SLFN5: variants seen among roughly 807,000 people sequenced by gnomAD.
SLFN5 encodes the protein schlafen family member 5.
SLFN5 carries 34 observed loss-of-function variants against 48.5 expected under a neutral mutation model. The ratio of observed to expected loss-of-function variants is 0.70; its 90% CI spans 0.53 to 0.93. The LOEUF is 0.93. Ranked by LOEUF, SLFN5 falls within the 40% of genes least tolerant of loss-of-function variation. The pLI, the probability that SLFN5 is intolerant of heterozygous loss-of-function variation, is 0.00. For missense variants in SLFN5, 1,006 were observed against 1,071.3 expected (o/e 0.94, Z 0.85); for synonymous variants, 387 against 396.2 (o/e 0.98, Z 0.28).
Position 35,269,123 on chromosome 17 carries a change from CA to C in SLFN5, c.*3236del, listed in dbSNP as rs1467382469. ...AGAAGGCAGTGAAGCAACATGTGTACAGTTCTTAGGGAAACAAATTTTGACC... is the reference window on the plus strand; with the variant it reads ...AGAAGGCAGTGAAGCAACATGTGTACGTTCTTAGGGAAACAAATTTTGACC... On this transcript the variant is annotated 3_prime_UTR_variant, in exon 5 of 5. Coordinates refer to ENST00000299977, the MANE Select transcript of SLFN5 (RefSeq NM_144975.4). The C allele has an allele frequency of 6.6e-6, 1 of 152,128 alleles. No individual in the cohort carries two copies. The allele number at this position is 152,128 out of a possible 1,614,324, so 9.4% of individuals were successfully genotyped here. A position where few individuals can be genotyped will look rare whatever the true frequency, so the allele number is the denominator to read the frequency against.
Position 35,259,269 on chromosome 17 carries a change from A to G in SLFN5, c.579A>G (p.Thr193=). ...YLEKLNLPES[T]HVEFVMFSTD... ...AAAAACTCAACCTTCCTGAGTCCAC[A>G]CATGTTGAATTTGTAATGTTCTCGA... The change falls in exon 2 of 5, where the codon ACA becomes ACG. Residue 193 remains threonine (T), a synonymous_variant. Transcript: ENST00000299977. The G allele has an allele frequency of 1.9e-6, 3 of 1,614,196 alleles. No individual in the cohort carries two copies. The Middle Eastern group carries it at 4.9e-4, about 266-fold the overall frequency.
chr17:35,260,713 T>C (rs7210615), intron 2 of SLFN5, among the ~76,000 whole-genome samples: 1 of 151,912 alleles, frequency 6.6e-6, no homozygotes, highest in Non-Finnish European at 1.5e-5. Context: ...ACTGTTTCAA[T>C]AAATAAATAA....
intron 3 of SLFN5, among the ~76,000 whole-genome samples, chr17:35,262,891 C>T (rs547107471): frequency 1.3e-5 from 2 of 152,098 alleles, no homozygotes; most frequent in Non-Finnish European, 2.9e-5. Context: ...CATGCTGTCC[C>T]TTTTTAGTCA....
chr17:35,245,989 C>T (rs1334076197), intron 1 of SLFN5, among the ~76,000 whole-genome samples: 1 of 152,196 alleles, frequency 6.6e-6, no homozygotes, highest in Non-Finnish European at 1.5e-5. Flanking sequence ...CATTCCTTCA[C>T]ATCTTCACCA....
In SLFN5 at chr17:35,260,352, C is replaced by T. The variant is rs140895525; in HGVS notation, c.1013-619C>T. Among the ~76,000 whole-genome samples, 20 of 152,316 alleles carry T rather than the reference C, an allele frequency of 1.3e-4. No homozygotes were observed. The East Asian group carries it at 3.9e-3, about 29-fold the overall frequency. The stretch of plus-strand genomic sequence containing the variant: ...AAGGTCCAGAAAAAACAAAGTCCAC[C>T]TCAGAATCTGCTCAGGTGTCTATAT... On this transcript the variant is annotated intron_variant, in intron 2 of 4. Transcript: ENST00000299977.
chr17:35,260,838 T>G, intron 2 of SLFN5, 133 bp from the exon 3 acceptor site: 36 of 1,130,502 alleles, frequency 3.2e-5, no homozygotes, highest in Non-Finnish European at 4.1e-5. Context: ...TGAGCTGACC[T>G]GAGATGTAAA....
Position 35,264,295 on chromosome 17 carries a change from A to C in SLFN5, c.1251A>C (p.Gly417=). ...CAGAAATGCGCCCTTTCTCTCAAGG[A>C]ATATTGATTTTTTCTCAAAGCTGGG... ...INTEMRPFSQ[G]ILIFSQSWAV... The change falls in exon 4 of 5, where the codon GGA becomes GGC. Residue 417 remains glycine, a synonymous_variant. Transcript: ENST00000299977. The C allele has an allele frequency of 6.2e-7, 1 of 1,614,112 alleles. No individual in the cohort carries two copies. Among genetic ancestry groups the C allele is most frequent in the Non-Finnish European group, 8.5e-7 (1 of 1,180,032 alleles).
At position 35,258,939 on chromosome 17, in the gene SLFN5, A is replaced by G; in HGVS notation, c.249A>G (p.Arg83=). Residue 83 remains arginine, a synonymous_variant, in exon 2 of 5, where the codon AGA becomes AGG. Coordinates refer to ENST00000299977, the MANE Select transcript of SLFN5 (RefSeq NM_144975.4). ...GATTGGATGTGCCTCCAATTTTCAG[A>G]AGCCATTTAGATAAGATGCAGAAGG... ...GVGLDVPPIF[R]SHLDKMQKEN... is the part of the protein sequence containing the mutation. The G allele has an allele frequency of 6.2e-7, 1 of 1,614,206 alleles. No individual in the cohort carries two copies. Among genetic ancestry groups the G allele is most frequent in the Non-Finnish European group, 8.5e-7 (1 of 1,180,012 alleles).
chr17:35,253,454 C>G (rs1289885898), intron 1 of SLFN5, among the ~76,000 whole-genome samples: 1 of 152,050 alleles, frequency 6.6e-6, no homozygotes, highest in Non-Finnish European at 1.5e-5. Flanking sequence ...TCACTGCAGC[C>G]TCAATCCACT....
At chr17:35,249,650 C>T (rs2142686636) in intron 1 of SLFN5, among the ~76,000 whole-genome samples, 1 of 152,290 alleles carries the variant, frequency 6.6e-6, no homozygotes, top group South Asian at 2.1e-4. Context: ...GCCCTTGGTC[C>T]CTGACTGAAA....
Position 35,265,173 on chromosome 17 carries a change from T to C in SLFN5, c.1961T>C (p.Phe654Ser). The C allele has an allele frequency of 6.2e-7, 1 of 1,614,190 alleles. No homozygotes were observed. The highest frequency in any genetic ancestry group is 8.5e-7 in the Non-Finnish European group (1 of 1,180,032). Residue 654 changes from phenylalanine to serine, a missense_variant, in exon 5 of 5, where the codon TTC becomes TCC. Transcript: ENST00000299977. ...QHIIIDDAQN[F>S]RTEDGDWYGK... Reference sequence around the variant, plus strand: ...ATTATCATTGATGACGCTCAGAATTTCCGTACTGAAGATGGGGACTGGTAT... The same window carrying C: ...ATTATCATTGATGACGCTCAGAATTCCCGTACTGAAGATGGGGACTGGTAT...
intron 3 of SLFN5, among the ~76,000 whole-genome samples, chr17:35,261,999 T>G (rs1452062201): frequency 6.6e-6 from 1 of 152,026 alleles, no homozygotes; most frequent in East Asian, 1.9e-4. Flanking sequence ...TTTGATGGAC[T>G]TTTATATGAC....
At chr17:35,265,012 T>A in intron 4 of SLFN5, 60 bp from the exon 5 acceptor site, 3 of 1,557,660 alleles carry the variant, frequency 1.9e-6, no homozygotes, top group Non-Finnish European at 2.6e-6. Context: ...CAGAGGGGTT[T>A]AAGAGTAGAA....
rs750885614 is a variant in SLFN5 at position 35,259,272 on chromosome 17, T to C, written c.582T>C (p.His194=). The change falls in exon 2 of 5, where the codon CAT becomes CAC. Residue 194 remains histidine (H), a synonymous_variant. Transcript: ENST00000299977. ...AACTCAACCTTCCTGAGTCCACACA[T>C]GTTGAATTTGTAATGTTCTCGACAG... ...LEKLNLPEST[H]VEFVMFSTDV... The C allele has an allele frequency of 2.5e-6, 4 of 1,614,132 alleles. No individual in the cohort carries two copies. The highest frequency in any genetic ancestry group is 3.4e-6 in the Non-Finnish European group (4 of 1,180,018).
chr17:35,251,140 C>T lies in SLFN5; in HGVS notation c.-40-7511C>T, dbSNP rs116853733. Among the ~76,000 whole-genome samples the T allele has an allele frequency of 3.1e-3, 473 of 152,342 alleles. 2 individuals are homozygous for T. The highest frequency in any genetic ancestry group is 5.4e-3 in the Non-Finnish European group (365 of 68,034). On this transcript the variant is annotated intron_variant, in intron 1 of 4. Transcript: ENST00000299977. ...CAGCCTCCTTCCCAAAGCACCCCAA[C>T]TGTAGAAAGCCATTTTGTCTATTTG...
At chr17:35,243,216 T>A (rs995816230) in intron 1 of SLFN5, 73 bp downstream of exon 1, 1 of 152,350 alleles carries the variant, frequency 6.6e-6, no homozygotes, top group Non-Finnish European at 1.5e-5. Flanking sequence ...GTTCTCCTAT[T>A]GGGCTGTGGT....
intron 1 of SLFN5, among the ~76,000 whole-genome samples, chr17:35,258,054 C>A (rs910477096): frequency 6.6e-6 from 1 of 152,184 alleles, no homozygotes; most frequent in Non-Finnish European, 1.5e-5. Context: ...CAGATAGTTA[C>A]TAAATACACA....
intron 1 of SLFN5, among the ~76,000 whole-genome samples, chr17:35,250,520 C>G (rs962933863): frequency 6.6e-6 from 1 of 152,070 alleles, no homozygotes; most frequent in Admixed American, 6.5e-5. Flanking sequence ...ATTAGCCAGG[C>G]GTGGTGGCGG....
Position 35,265,482 on chromosome 17 carries a change from A to G in SLFN5, c.2270A>G (p.Asn757Ser). 6.2e-7 allele frequency: 1 copy of G among 1,614,204 alleles called. No individual in the cohort carries two copies. Among genetic ancestry groups the G allele is most frequent in the South Asian group, 1.1e-5 (1 of 91,082 alleles). ...EPKWAQGVPG[N>S]LEIIEDLNLE... The stretch of plus-strand genomic sequence containing the variant: ...AAATGGGCTCAAGGTGTCCCAGGCA[A>G]CTTAGAGATTATTGAAGACTTGAAC... Residue 757 changes from asparagine (N) to serine (S), a missense_variant, in exon 5 of 5, where the codon AAC (asparagine) becomes AGC (serine). Transcript: ENST00000299977.
Sources: gnomAD v4.1 joint callset for allele counts (sites outside exome capture counted in the v4.1 genomes callset) on GRCh38, gnomAD v4.1.1 for gene constraint, MANE v1.5 for transcripts, NCBI Gene and HGNC (gene_info 2026-07-23, HGNC 2026-07-21) for gene names.